ZFPM2: variants seen among roughly 807,000 people sequenced by gnomAD.
ZFPM2 encodes the protein zinc finger protein, FOG family member 2, also known as zinc finger protein ZFPM2.
In ZFPM2, 20 loss-of-function variants were observed where a neutral mutation model predicts 98.6. The ratio of observed to expected loss-of-function variants is 0.20; its 90% CI spans 0.14 to 0.29. The LOEUF (loss-of-function observed/expected upper bound fraction) is 0.29, where lower values mean the gene tolerates loss of function less well. Ranked by LOEUF, ZFPM2 falls within the 10% of genes least tolerant of loss-of-function variation. The probability of loss-of-function intolerance (pLI) is 1.00; values close to 1 mark genes in which losing one functional copy is unlikely to be tolerated. For synonymous variants in ZFPM2, 518 were observed against 502.7 expected (o/e 1.03, Z -0.41); for missense variants, 1,310 against 1,388.6 (o/e 0.94, Z 0.90).
chr8:105,340,066 T>C (rs577271782), intron 1 of ZFPM2, among the ~76,000 whole-genome samples: 1 of 151,982 alleles, frequency 6.6e-6, no homozygotes, highest in Admixed American at 6.6e-5. Flanking sequence ...GCTTCTCTTA[T>C]GTGGAATGCA....
chr8:105,678,956 A>G (rs919170607), intron 5 of ZFPM2: 4 of 152,348 alleles, frequency 2.6e-5, no homozygotes, highest in South Asian at 2.1e-4. Context: ...GTAAAGAATA[A>G]TGGCTGAGTT....
At chr8:105,409,245 A>T (rs1330623432) in intron 1 of ZFPM2, among the ~76,000 whole-genome samples, 7 of 151,930 alleles carry the variant, frequency 4.6e-5, no homozygotes, top group African/African-American at 1.7e-4. Context: ...TAAAAAATTG[A>T]CATACTGTCC....
chr8:105,746,731 T>A (rs572719011), intron 5 of ZFPM2, among the ~76,000 whole-genome samples: 285 of 150,524 alleles, frequency 1.9e-3, no homozygotes, highest in African/African-American at 6.5e-3. Context: ...TCTGTTCTTC[T>A]GCAAAAAACA....
At chr8:105,577,842 C>A (rs2130734945) in intron 4 of ZFPM2, among the ~76,000 whole-genome samples, 1 of 150,642 alleles carries the variant, frequency 6.6e-6, no homozygotes, top group Admixed American at 6.6e-5. Context: ...ATTATTTGAT[C>A]TTTTGTGAGT....
At chr8:105,413,507 TAC>T (rs137954717) in intron 1 of ZFPM2, among the ~76,000 whole-genome samples, 3 of 135,556 alleles carry the variant, frequency 2.2e-5, no homozygotes, top group East Asian at 2.2e-4. Flanking sequence ...TATATATATA[TAC>T]ACACACACAC....
At chr8:105,336,119 A>G (rs980627619) in intron 1 of ZFPM2, among the ~76,000 whole-genome samples, 6 of 151,778 alleles carry the variant, frequency 4.0e-5, no homozygotes, top group South Asian at 4.1e-4. Context: ...GAGAAGGGGT[A>G]TTGTTATAAT....
chr8:105,329,591 C>A (rs1812174402), intron 1 of ZFPM2, among the ~76,000 whole-genome samples: 1 of 151,806 alleles, frequency 6.6e-6, no homozygotes, highest in Non-Finnish European at 1.5e-5. Context: ...TAGCACTTAA[C>A]CTGGCCAAAT....
intron 5 of ZFPM2, among the ~76,000 whole-genome samples, chr8:105,670,686 A>T (rs957875955): frequency 2.6e-5 from 4 of 152,050 alleles, no homozygotes; most frequent in Non-Finnish European, 5.9e-5. Context: ...TTGCATATGT[A>T]TATATTTCTA....
intron 5 of ZFPM2, among the ~76,000 whole-genome samples, chr8:105,729,116 G>T (rs565742638): frequency 6.6e-6 from 1 of 151,646 alleles, no homozygotes; most frequent in Non-Finnish European, 1.5e-5. Flanking sequence ...GAATGCATTA[G>T]GGAATTATTT....
At chr8:105,429,111 T>G (rs1291187098) in intron 2 of ZFPM2, among the ~76,000 whole-genome samples, 1 of 152,226 alleles carries the variant, frequency 6.6e-6, no homozygotes, top group African/African-American at 2.4e-5. Flanking sequence ...CATACAGATA[T>G]ATCAAACACT....
intron 1 of ZFPM2, among the ~76,000 whole-genome samples, chr8:105,363,944 T>C (rs1284094568): frequency 6.6e-6 from 1 of 152,176 alleles, no homozygotes; most frequent in Non-Finnish European, 1.5e-5. Context: ...TAGTCTGTCT[T>C]ATGTACTGCA....
chr8:105,612,018 C>T (rs1411328812), intron 4 of ZFPM2, among the ~76,000 whole-genome samples: 1 of 152,018 alleles, frequency 6.6e-6, no homozygotes, highest in Non-Finnish European at 1.5e-5. Flanking sequence ...TTCTTAGACA[C>T]AAGAATTCAT....
chr8:105,668,382 G>A (rs1649732884), intron 5 of ZFPM2, among the ~76,000 whole-genome samples: 1 of 152,184 alleles, frequency 6.6e-6, no homozygotes, highest in Non-Finnish European at 1.5e-5. Context: ...CAAAGTAGCA[G>A]TGTGGAACAG....
chr8:105,491,389 T>C (rs1218610062), intron 3 of ZFPM2, among the ~76,000 whole-genome samples: 11 of 152,172 alleles, frequency 7.2e-5, no homozygotes, highest in Admixed American at 5.9e-4. Context: ...GCAATTTTCA[T>C]TGGCATATTA....
In ZFPM2 at chr8:105,684,716, CT is replaced by C. The variant is rs375215982; in HGVS notation, c.532+50361del. 1.9e-4 allele frequency among the ~76,000 whole-genome samples: 29 copies of C among 152,140 alleles called. No homozygotes were observed. The East Asian group carries it at 5.4e-3, about 28-fold the overall frequency. On this transcript the variant is annotated intron_variant, in intron 5 of 7. Coordinates refer to ENST00000407775, the MANE Select transcript of ZFPM2 (RefSeq NM_012082.4). ...AGTGGGAAAAGTTAGTATCCTGGTA[CT>C]TACTAACTCTTCTCAACTAACAGTT... is the stretch of plus-strand genomic sequence containing the variant.
chr8:105,728,131 A>G (rs1010639782), intron 5 of ZFPM2, among the ~76,000 whole-genome samples: 4 of 151,694 alleles, frequency 2.6e-5, no homozygotes, highest in Non-Finnish European at 4.4e-5. Context: ...GTAAATTGCC[A>G]TAGTACTCAC....
At chr8:105,646,991 G>T (rs1817060869) in intron 5 of ZFPM2, among the ~76,000 whole-genome samples, 2 of 152,130 alleles carry the variant, frequency 1.3e-5, no homozygotes, top group South Asian at 4.1e-4. Context: ...AAATGGCTGG[G>T]CCTGGAGGGA....
intron 5 of ZFPM2, among the ~76,000 whole-genome samples, chr8:105,712,572 T>C (rs1811428463): frequency 6.6e-6 from 1 of 152,044 alleles, no homozygotes; most frequent in African/African-American, 2.4e-5. Flanking sequence ...ATTGTAGTTT[T>C]AGGTTCAGAT....
chr8:105,350,867 T>TA (rs1812627813), intron 1 of ZFPM2, among the ~76,000 whole-genome samples: 1 of 152,064 alleles, frequency 6.6e-6, no homozygotes, highest in African/African-American at 2.4e-5. Context: ...CCCTAGCAGA[T>TA]ACTAGATTCC....
Sources: allele counts gnomAD v4.1 joint callset (sites outside exome capture counted in the v4.1 genomes callset), GRCh38; gene constraint gnomAD v4.1.1; transcripts MANE v1.5; gene names NCBI Gene and HGNC (gene_info 2026-07-23, HGNC 2026-07-21).